TESK2: variants seen among roughly 807,000 people sequenced by gnomAD.
The protein encoded by TESK2 is dual specificity testis-specific protein kinase 2.
A neutral mutation model predicts 57.1 loss-of-function variants in TESK2; 39 were observed. The observed-to-expected ratio is 0.68, with a 90% CI of 0.53 to 0.89. The LOEUF is 0.89. Among genes scored for constraint, TESK2 ranks in the 40% least tolerant of loss-of-function variants. The probability of loss-of-function intolerance (pLI) is 0.00; values close to 1 mark genes in which losing one functional copy is unlikely to be tolerated. For missense variants in TESK2, 646 were observed against 732.1 expected, an observed-to-expected ratio of 0.88 and a Z score of 1.36; for synonymous variants, 249 against 267.9, an observed-to-expected ratio of 0.93 and a Z score of 0.69.
At chr1:45,385,313 A>T in intron 4 of TESK2, 2 of 985,244 alleles carry the variant, frequency 2.0e-6, no homozygotes, top group Non-Finnish European at 2.4e-6. Flanking sequence ...CTCTAAAGAG[A>T]GTTCTCTGAT....
chr1:45,413,330 T>C (rs1650108328), intron 3 of TESK2, among the ~76,000 whole-genome samples: 2 of 151,844 alleles, frequency 1.3e-5, no homozygotes, highest in Non-Finnish European at 2.9e-5. Context: ...TCCTCCCAAA[T>C]AGAAATCTTA....
intron 2 of TESK2, among the ~76,000 whole-genome samples, chr1:45,433,976 T>A (rs1651084162): frequency 6.6e-6 from 1 of 152,030 alleles, no homozygotes; most frequent in Non-Finnish European, 1.5e-5. Flanking sequence ...TTTTTGGGGT[T>A]TTGGGGTTTG....
intron 2 of TESK2, among the ~76,000 whole-genome samples, chr1:45,454,625 A>C (rs1269795855): frequency 6.6e-6 from 1 of 152,016 alleles, no homozygotes; most frequent in African/African-American, 2.4e-5. Context: ...TTTCTTAAAC[A>C]TAGAATTACT....
intron 4 of TESK2, among the ~76,000 whole-genome samples, chr1:45,364,775 T>C: frequency 6.6e-6 from 1 of 152,164 alleles, no homozygotes. Flanking sequence ...AACTGAGTGA[T>C]AGATATGAGA....
At chr1:45,393,832 G>A (rs1178621219) in intron 3 of TESK2, among the ~76,000 whole-genome samples, 1 of 151,670 alleles carries the variant, frequency 6.6e-6, no homozygotes, top group Non-Finnish European at 1.5e-5. Flanking sequence ...ACTCATCCTT[G>A]ACAGGGAAGT....
intron 2 of TESK2, among the ~76,000 whole-genome samples, chr1:45,433,404 A>C (rs533258125): frequency 3.3e-5 from 5 of 151,534 alleles, no homozygotes; most frequent in Non-Finnish European, 7.4e-5. Flanking sequence ...CTATCCAACT[A>C]TATGTTTGTA....
chr1:45,361,848 T>C (rs1369391792), intron 4 of TESK2, among the ~76,000 whole-genome samples: 2 of 152,238 alleles, frequency 1.3e-5, no homozygotes, highest in Non-Finnish European at 2.9e-5. Flanking sequence ...AGTAAGAACT[T>C]GTCTCTTGGC....
At chr1:45,435,331 G>A (rs1009040105) in intron 2 of TESK2, among the ~76,000 whole-genome samples, 1 of 151,932 alleles carries the variant, frequency 6.6e-6, no homozygotes, top group Non-Finnish European at 1.5e-5. Flanking sequence ...GTTTCACCAC[G>A]TTGGCCAGGC....
chr1:45,389,416 C>T (rs757598296), intron 3 of TESK2, among the ~76,000 whole-genome samples: 4 of 152,038 alleles, frequency 2.6e-5, no homozygotes, highest in Non-Finnish European at 2.9e-5. Flanking sequence ...CTGTCTCCAA[C>T]AAAAATACAC....
chr1:45,359,007 A>C (rs907314290), intron 4 of TESK2, among the ~76,000 whole-genome samples: 2 of 152,244 alleles, frequency 1.3e-5, no homozygotes, highest in African/African-American at 4.8e-5. Flanking sequence ...AGGGAGAAAA[A>C]GAGGGAAATT....
rs113551170 is a variant in TESK2 at position 45,404,548 on chromosome 1, AT to A, written c.344+17176del. 6.6e-3 allele frequency among the ~76,000 whole-genome samples: 956 copies of A among 145,098 alleles called. 4 individuals are homozygous for A. Among genetic ancestry groups the A allele is most frequent in the Middle Eastern group, 0.011 (3 of 282 alleles). ...AAGTATATTTCTATTTTATTTAATT[AT>A]TTTTTTTTTTTTGAGATGTAGTCTC... On this transcript the variant is annotated intron_variant, in intron 3 of 10. Coordinates refer to ENST00000372086, the MANE Select transcript of TESK2 (RefSeq NM_007170.3).
At chr1:45,417,742 C>G (rs2149285636) in intron 3 of TESK2, among the ~76,000 whole-genome samples, 1 of 152,188 alleles carries the variant, frequency 6.6e-6, no homozygotes, top group South Asian at 2.1e-4. Flanking sequence ...CAGGCACCCA[C>G]CACCACACCT....
At chr1:45,358,912 GAGTAAGAGAGC>G (rs1647560962) in intron 4 of TESK2, among the ~76,000 whole-genome samples, 1 of 152,170 alleles carries the variant, frequency 6.6e-6, no homozygotes, top group Admixed American at 6.5e-5. Flanking sequence ...CACAGCATCT[GAGTAAGAGAGC>G]CTCATGCAGC....
chr1:45,367,150 A>G (rs1213989052), intron 4 of TESK2, among the ~76,000 whole-genome samples: 1 of 152,076 alleles, frequency 6.6e-6, no homozygotes, highest in Non-Finnish European at 1.5e-5. Context: ...TAAATAAAAT[A>G]AAATAAAATA....
chr1:45,397,713 T>C (rs1224736764), intron 3 of TESK2, among the ~76,000 whole-genome samples: 1 of 152,314 alleles, frequency 6.6e-6, no homozygotes, highest in African/African-American at 2.4e-5. Context: ...CTGCCACTTC[T>C]AAATATGTCC....
chr1:45,385,638 T>C (rs1648858210), intron 4 of TESK2, among the ~76,000 whole-genome samples: 1 of 151,208 alleles, frequency 6.6e-6, no homozygotes, highest in African/African-American at 2.4e-5. Context: ...TATGAGGGAA[T>C]AGAAGGACAT....
intron 4 of TESK2, 63 bp downstream of exon 4, chr1:45,385,849 T>C: frequency 8.0e-7 from 1 of 1,248,214 alleles, no homozygotes; most frequent in South Asian, 1.3e-5. Flanking sequence ...CAACACTTAC[T>C]ATGGAACTAT....
At position 45,347,787 on chromosome 1, in the gene TESK2, G is replaced by A. The variant is rs565800776; in HGVS notation, c.624-94C>T. On this transcript the variant is annotated intron_variant, in intron 6 of 10. Transcript: ENST00000372086. ...CTCCACCTCAAGGATGGGTACAGAC[G>A]AGGACTAAACAAATTTAGGGAGCTG... The A allele has an allele frequency of 4.5e-5, 67 of 1,484,112 alleles. No homozygotes were observed. The South Asian group carries it at 5.8e-4, about 13-fold the overall frequency. 91.9% of individuals were successfully genotyped at this position (1,484,112 alleles called of 1,614,324 possible).
At chr1:45,466,475 A>G (rs905852215) in intron 1 of TESK2, among the ~76,000 whole-genome samples, 2 of 151,430 alleles carry the variant, frequency 1.3e-5, no homozygotes. Context: ...CTCCGTCTCA[A>G]AAAAAACAAA....
Sources: allele counts gnomAD v4.1 joint callset (sites outside exome capture counted in the v4.1 genomes callset), GRCh38; gene constraint gnomAD v4.1.1; transcripts MANE v1.5; gene names NCBI Gene and HGNC (gene_info 2026-07-23, HGNC 2026-07-21).